OSBPL10: variants seen among roughly 807,000 people sequenced by gnomAD.
OSBPL10 encodes oxysterol binding protein like 10.
Under a neutral mutation model 81.7 loss-of-function variants are expected in OSBPL10, and 49 were observed. The ratio of observed to expected loss-of-function variants is 0.60; its 90% confidence interval spans 0.48 to 0.76. The LOEUF (loss-of-function observed/expected upper bound fraction) is 0.76. OSBPL10 is among the 30% of genes least tolerant of loss of function. OSBPL10 has a pLI of 0.00. For missense variants in OSBPL10, 923 were observed against 987.8 expected (o/e 0.93, Z 0.88); for synonymous variants, 419 against 383.6 (o/e 1.09, Z -1.08).
At chr3:31,732,145 C>G (rs1407722083) in intron 6 of OSBPL10, among the ~76,000 whole-genome samples, 1 of 152,216 alleles carries the variant, frequency 6.6e-6, no homozygotes, top group Non-Finnish European at 1.5e-5. Flanking sequence ...TACACATCAG[C>G]TGCATGAGTT....
At chr3:31,959,224 T>A (rs1254785283) in intron 1 of OSBPL10, among the ~76,000 whole-genome samples, 1 of 152,190 alleles carries the variant, frequency 6.6e-6, no homozygotes, top group Non-Finnish European at 1.5e-5. Context: ...TGCAGTCTAA[T>A]CAAATTTAGC....
intron 2 of OSBPL10, among the ~76,000 whole-genome samples, chr3:32,008,556 C>G (rs1296347773): frequency 7.0e-6 from 1 of 143,140 alleles, no homozygotes; most frequent in African/African-American, 2.7e-5. Flanking sequence ...CATGGCCAAA[C>G]CCCGTTTCTA....
chr3:31,865,886 G>A (rs1701167097), intron 3 of OSBPL10, among the ~76,000 whole-genome samples: 2 of 152,154 alleles, frequency 1.3e-5, no homozygotes, highest in South Asian at 2.1e-4. Context: ...TAGTATAAGC[G>A]TAAACACTTT....
chr3:31,742,956 C>T (rs1284645901), intron 5 of OSBPL10, among the ~76,000 whole-genome samples: 1 of 151,182 alleles, frequency 6.6e-6, no homozygotes, highest in African/African-American at 2.4e-5. Context: ...CATCAAGCTG[C>T]TGAAGTAGAT....
intron 10 of OSBPL10, among the ~76,000 whole-genome samples, chr3:31,665,064 G>GAA (rs1265445948): frequency 1.3e-5 from 2 of 150,194 alleles, no homozygotes; most frequent in African/African-American, 4.9e-5. Flanking sequence ...TGACTACTTG[G>GAA]AAAAAAAAAG....
intron 1 of OSBPL10, among the ~76,000 whole-genome samples, chr3:31,965,756 A>ATC (rs1414286608): frequency 1.6e-4 from 11 of 68,708 alleles, no homozygotes; most frequent in African/African-American, 4.4e-4. Context: ...AATATATATT[A>ATC]TATTAAAAGA....
intron 4 of OSBPL10, among the ~76,000 whole-genome samples, chr3:31,783,567 G>A (rs1314974514): frequency 6.6e-6 from 1 of 151,092 alleles, no homozygotes; most frequent in East Asian, 1.9e-4. Flanking sequence ...GAGGCGGGCA[G>A]ATCACTTGAG....
intron 4 of OSBPL10, among the ~76,000 whole-genome samples, chr3:31,771,890 C>T (rs768516816): frequency 2.6e-5 from 4 of 152,082 alleles, no homozygotes; most frequent in African/African-American, 7.2e-5. Flanking sequence ...GTTATTGGGC[C>T]GCAAGAATAA....
chr3:31,810,318 G>C (rs1440862041), intron 4 of OSBPL10, among the ~76,000 whole-genome samples: 1 of 152,170 alleles, frequency 6.6e-6, no homozygotes, highest in African/African-American at 2.4e-5. Flanking sequence ...ACTTAAAAAT[G>C]AGTGATTTTT....
At chr3:31,715,099 T>C (rs1696392500) in intron 6 of OSBPL10, among the ~76,000 whole-genome samples, 1 of 151,682 alleles carries the variant, frequency 6.6e-6, no homozygotes, top group South Asian at 2.1e-4. Context: ...CTAAACTTCC[T>C]CTAGCCTAGT....
chr3:31,958,805 T>C (rs565295558), intron 1 of OSBPL10, among the ~76,000 whole-genome samples: 3 of 152,312 alleles, frequency 2.0e-5, no homozygotes, highest in Non-Finnish European at 2.9e-5. Context: ...TAAGGTTTTA[T>C]TGGAACAGAG....
intron 1 of OSBPL10, among the ~76,000 whole-genome samples, chr3:31,944,927 CAG>C (rs1428372665): frequency 6.8e-6 from 1 of 146,662 alleles, no homozygotes; most frequent in Admixed American, 6.9e-5. Flanking sequence ...CTGAGGCGGG[CAG>C]ATCCTGAGGT....
chr3:31,829,905 C>T (rs1225444509), intron 4 of OSBPL10, 135 bp downstream of exon 4: 8 of 845,680 alleles, frequency 9.5e-6, no homozygotes, highest in South Asian at 2.2e-5. Context: ...CCGTCACAGC[C>T]GTGTGGCTGG....
chr3:31,931,906 G>T (rs941812932), intron 1 of OSBPL10, among the ~76,000 whole-genome samples: 3 of 152,136 alleles, frequency 2.0e-5, no homozygotes, highest in Non-Finnish European at 2.9e-5. Flanking sequence ...GCCAGACAAG[G>T]TGGTGTGTGC....
At chr3:31,898,580 TA>T (rs80118352) in intron 1 of OSBPL10, among the ~76,000 whole-genome samples, 70,153 of 142,908 alleles carry the variant, frequency 0.49, 17,132 homozygotes, top group East Asian at 0.73. Context: ...CCCTGTCTCT[TA>T]AAAAAAAAAA....
intron 4 of OSBPL10, among the ~76,000 whole-genome samples, chr3:31,825,404 T>G (rs1700076108): frequency 6.6e-6 from 1 of 152,116 alleles, no homozygotes; most frequent in Admixed American, 6.6e-5. Flanking sequence ...TCATTGCAAC[T>G]TCAAACACCT....
At chr3:31,818,879 C>A (rs191751916) in intron 4 of OSBPL10, among the ~76,000 whole-genome samples, 2 of 152,320 alleles carry the variant, frequency 1.3e-5, no homozygotes, top group Admixed American at 1.3e-4. Context: ...GGCCTCCCCC[C>A]ACTCCACCAC....
rs116458463 is a variant in OSBPL10, at chr3:31,940,565, A to G, written c.281+40334T>C. The stretch of plus-strand genomic sequence containing the variant: ...TCTGAGAGTGCCACAATCTCATGGC[A>G]AAGGCCTTTGGGATTTCATACCTGT... On this transcript the variant is annotated intron_variant, in intron 1 of 11. Coordinates refer to ENST00000396556, the MANE Select transcript of OSBPL10 (RefSeq NM_017784.5). Among the ~76,000 whole-genome samples, 576 of 152,254 alleles carry G rather than the reference A, an allele frequency of 3.8e-3. 7 individuals carry two copies. Among genetic ancestry groups the G allele is most frequent in the African/African-American group, 0.013 (549 of 41,546 alleles).
intron 2 of OSBPL10, among the ~76,000 whole-genome samples, chr3:32,003,805 C>T (rs1482186401): frequency 6.6e-6 from 1 of 152,068 alleles, no homozygotes; most frequent in East Asian, 1.9e-4. Flanking sequence ...CAAGGCTGTC[C>T]CTGGAGGTCA....
Sources: gnomAD v4.1 joint callset for allele counts (sites outside exome capture counted in the v4.1 genomes callset) on GRCh38, gnomAD v4.1.1 for gene constraint, MANE v1.5 for transcripts, NCBI Gene and HGNC (gene_info 2026-07-23, HGNC 2026-07-21) for gene names.